Variants in GSE1 observed in about 807,000 individuals in gnomAD.
GSE1 encodes Gse1 coiled-coil protein.
GSE1 carries 32 observed loss-of-function variants against 112.6 expected under a neutral mutation model. The ratio of observed to expected loss-of-function variants is 0.28; its 90% CI spans 0.21 to 0.38. GSE1 has a LOEUF of 0.38. GSE1 is among the 10% of genes least tolerant of loss of function. GSE1 has a pLI of 1.00. For synonymous variants in GSE1, 1,115 were observed against 735.6 expected (o/e 1.52, Z -8.35); for missense variants, 2,348 against 1,699.2 (o/e 1.38, Z -6.71).
intron 2 of GSE1, among the ~76,000 whole-genome samples, chr16:85,390,212 G>A (rs895337780): frequency 1.3e-5 from 2 of 152,216 alleles, no homozygotes. Flanking sequence ...CTGGCACACA[G>A]TAGGTGCTCC....
chr16:85,667,681 A>T (rs2052982903), intron 13 of GSE1, among the ~76,000 whole-genome samples: 1 of 152,222 alleles, frequency 6.6e-6, no homozygotes, highest in Non-Finnish European at 1.5e-5. Flanking sequence ...CAACATGGCG[A>T]AACCCTGTTT....
chr16:85,555,344 CCT>C (rs1201355256), upstream of GSE1: 6 of 985,036 alleles, frequency 6.1e-6, no homozygotes, highest in East Asian at 1.1e-4. Context: ...CCTTCCACCC[CCT>C]CTCTCTGAGT....
chr16:85,197,593 C>T (rs1291505582), intron 1 of GSE1, among the ~76,000 whole-genome samples: 11 of 152,144 alleles, frequency 7.2e-5, no homozygotes, highest in African/African-American at 1.2e-4. Flanking sequence ...CCTGCGTCGC[C>T]GGCAGTCACA....
chr16:85,279,762 T>C (rs1373046863), intron 1 of GSE1, among the ~76,000 whole-genome samples: 1 of 152,108 alleles, frequency 6.6e-6, no homozygotes, highest in African/African-American at 2.4e-5. Context: ...GGCGGTGTTT[T>C]CTCAACTCCA....
At chr16:85,193,194 C>G (rs1567601822) in intron 1 of GSE1, among the ~76,000 whole-genome samples, 1 of 152,214 alleles carries the variant, frequency 6.6e-6, no homozygotes, top group Admixed American at 6.5e-5. Context: ...CACATTCCCT[C>G]TATTTCTCCA....
Position 85,290,086 on chromosome 16 carries a change from G to A in GSE1, c.2284-67377G>A, listed in dbSNP as rs573038207. 5.3e-5 allele frequency among the ~76,000 whole-genome samples: 8 copies of A among 152,314 alleles called. No individual in the cohort carries two copies. The South Asian group carries it at 1.7e-3, about 32-fold the overall frequency. On this transcript the variant is annotated intron_variant, in intron 1 of 2. Coordinates refer to the GSE1 transcript ENST00000637419. ...AGACGATGCCTCTTCCCCTCCCAGA[G>A]TCGCCGCTTGGGTTTTCTTTGGTGA...
At chr16:85,345,808 G>C (rs571232252) in intron 1 of GSE1, among the ~76,000 whole-genome samples, 140 of 152,350 alleles carry the variant, frequency 9.2e-4, no homozygotes, top group Non-Finnish European at 1.8e-3. Context: ...ACAGAGCCTA[G>C]CACATAGTTG....
At chr16:85,506,200 T>C (rs2051529981) in intron 2 of GSE1, among the ~76,000 whole-genome samples, 1 of 152,180 alleles carries the variant, frequency 6.6e-6, no homozygotes, top group Admixed American at 6.5e-5. Context: ...GTCCTGTGTG[T>C]GGTGCGTCCC....
intron 2 of GSE1, among the ~76,000 whole-genome samples, chr16:85,496,410 G>A (rs1326978178): frequency 6.6e-6 from 1 of 152,334 alleles, no homozygotes; most frequent in South Asian, 2.1e-4. Flanking sequence ...AGAGCAGAGC[G>A]ATAAGCACTG....
At position 85,657,435 on chromosome 16, in the gene GSE1, A is replaced by C. The variant is rs2052057288; in HGVS notation, c.1471A>C (p.Thr491Pro). The C allele has an allele frequency of 1.9e-6, 3 of 1,612,622 alleles. No individual in the cohort carries two copies. The highest frequency in any genetic ancestry group is 2.5e-6 in the Non-Finnish European group (3 of 1,179,826). ...TGCCACAGCCCTGCTGATCCAGCGC[A>C]CCAATGAGGAGGAGAAGTGGCTGGC... ...SAATALLIQR[T>P]NEEEKWLARQ... The change falls in exon 8 of 16, where the codon ACC becomes CCC. Residue 491 changes from threonine to proline, a missense_variant. Physicochemically the swap from Thr to Pro is conservative, Grantham distance 38 (BLOSUM62 -1). Transcript: ENST00000253458.
chr16:85,534,700 T>C (rs1175001803), intron 2 of GSE1, among the ~76,000 whole-genome samples: 3 of 152,212 alleles, frequency 2.0e-5, no homozygotes, highest in African/African-American at 7.2e-5. Context: ...GCAATGTCTG[T>C]TGGGGCCCTC....
At chr16:85,277,668 C>T (rs982924768) in intron 1 of GSE1, among the ~76,000 whole-genome samples, 22 of 152,228 alleles carry the variant, frequency 1.4e-4, no homozygotes, top group African/African-American at 4.8e-4. Flanking sequence ...AGCCTGGAAG[C>T]GGTGGGTATG....
intron 1 of GSE1, among the ~76,000 whole-genome samples, chr16:85,317,325 G>C (rs1329535466): frequency 6.6e-6 from 1 of 152,132 alleles, no homozygotes; most frequent in Non-Finnish European, 1.5e-5. Context: ...GTAGAACGTC[G>C]ATAGCCCTCC....
At chr16:85,418,597 T>C (rs1053599258) in intron 2 of GSE1, among the ~76,000 whole-genome samples, 1 of 152,112 alleles carries the variant, frequency 6.6e-6, no homozygotes, top group Non-Finnish European at 1.5e-5. Context: ...CCTCTCAGCA[T>C]AGAGAAGCCA....
intron 2 of GSE1, among the ~76,000 whole-genome samples, chr16:85,540,559 G>A (rs769201768): frequency 6.6e-6 from 1 of 152,262 alleles, no homozygotes; most frequent in Non-Finnish European, 1.5e-5. Flanking sequence ...AGCTAGGTCA[G>A]CTTGAGGATT....
chr16:85,377,442 G>C (rs1438132520), intron 2 of GSE1, among the ~76,000 whole-genome samples: 3 of 152,230 alleles, frequency 2.0e-5, no homozygotes, highest in Non-Finnish European at 4.4e-5. Flanking sequence ...GATGCCAATG[G>C]AAACCTCTCC....
intron 2 of GSE1, among the ~76,000 whole-genome samples, chr16:85,500,277 A>G (rs2051316574): frequency 6.6e-6 from 1 of 152,180 alleles, no homozygotes; most frequent in African/African-American, 2.4e-5. Context: ...GTTCACGTGG[A>G]TTTCCTGCAA....
At chr16:85,355,665 C>G (rs1254125374) in intron 1 of GSE1, among the ~76,000 whole-genome samples, 1 of 152,172 alleles carries the variant, frequency 6.6e-6, no homozygotes, top group East Asian at 1.9e-4. Flanking sequence ...ACTCAGTGCA[C>G]ACTTGGAAAT....
At position 85,665,979 on chromosome 16, in the gene GSE1, C is replaced by T; in HGVS notation, c.2762C>T (p.Pro921Leu). ...TCCTTCACTTTGTCTCTAAAAGAAC[C>T]AGCCACGCAGCAAGCCTCTCTGGAT... is the stretch of plus-strand genomic sequence containing the variant. ...RDSPAVSLSE[P>L]ATQQASLDVE... The change falls in exon 13 of 16, where the codon CCA becomes CTA. Residue 921 changes from proline (P) to leucine (L), a missense_variant. Physicochemically the swap from Pro to Leu is moderately conservative, Grantham distance 98 (BLOSUM62 -3). Transcript: ENST00000253458. 6.2e-7 allele frequency: 1 copy of T among 1,612,990 alleles called. No individual in the cohort carries two copies. The highest frequency in any genetic ancestry group is 8.5e-7 in the Non-Finnish European group (1 of 1,179,832).
Sources: gnomAD v4.1 joint callset for allele counts (sites outside exome capture counted in the v4.1 genomes callset) on GRCh38, gnomAD v4.1.1 for gene constraint, MANE v1.5 for transcripts, NCBI Gene and HGNC (gene_info 2026-07-23, HGNC 2026-07-21) for gene names.